Variants in TTC7B observed in about 807,000 individuals in gnomAD.
The protein encoded by TTC7B is tetratricopeptide repeat domain 7B.
In TTC7B, 28 loss-of-function variants were observed where a neutral mutation model predicts 106.8. The observed-to-expected ratio is 0.26, with a 90% CI of 0.19 to 0.36. The LOEUF is 0.36. Ranked by LOEUF, TTC7B falls within the 10% of genes least tolerant of loss-of-function variation. TTC7B has a pLI of 1.00. For missense variants in TTC7B, 862 were observed against 1,076.4 expected, an observed-to-expected ratio of 0.80 and a Z score of 2.79; for synonymous variants, 405 against 430.6, an observed-to-expected ratio of 0.94 and a Z score of 0.74.
intron 17 of TTC7B, among the ~76,000 whole-genome samples, chr14:90,605,362 G>A (rs572373761): frequency 4.6e-5 from 7 of 152,276 alleles, no homozygotes; most frequent in South Asian, 2.1e-4. Context: ...ACTTCTATCC[G>A]TTCTGCCCAG....
intron 3 of TTC7B, among the ~76,000 whole-genome samples, chr14:90,762,837 A>G (rs1890545085): frequency 6.6e-6 from 1 of 152,268 alleles, no homozygotes; most frequent in Non-Finnish European, 1.5e-5. Flanking sequence ...CATACAAAAG[A>G]ACAGGGAGAG....
Position 90,652,892 on chromosome 14 carries a change from A to G in TTC7B, c.1466T>C (p.Leu489Ser). ...TYSLQATDAS[L>S]RGMQEVLQRK... ...CTGTAGGACCTCCTGCATCCCTCGCAAAGAAGCTAAGAAAAGGGTTCAATT... is the reference window on the plus strand; with the variant it reads ...CTGTAGGACCTCCTGCATCCCTCGCGAAGAAGCTAAGAAAAGGGTTCAATT... The change falls in exon 13 of 20, where the codon TTG becomes TCG. Residue 489 changes from leucine to serine, a missense_variant. Coordinates refer to ENST00000328459, the MANE Select transcript of TTC7B (RefSeq NM_001010854.2). 6.2e-7 allele frequency: 1 copy of G among 1,614,244 alleles called. No individual in the cohort carries two copies. The highest frequency in any genetic ancestry group is 8.5e-7 in the Non-Finnish European group (1 of 1,180,040).
chr14:90,583,888 T>C (rs953721500), intron 18 of TTC7B, among the ~76,000 whole-genome samples: 6 of 152,242 alleles, frequency 3.9e-5, no homozygotes, highest in African/African-American at 1.4e-4. Flanking sequence ...TGCTTTTGCT[T>C]GGCATTTAAA....
At chr14:90,643,322 C>T (rs944529910) in intron 15 of TTC7B, among the ~76,000 whole-genome samples, 1 of 151,748 alleles carries the variant, frequency 6.6e-6, no homozygotes, top group Admixed American at 6.6e-5. Flanking sequence ...ACAGGAAAAT[C>T]GCTTGAACCC....
intron 1 of TTC7B, among the ~76,000 whole-genome samples, chr14:90,789,547 A>C (rs1444856648): frequency 1.3e-5 from 2 of 151,622 alleles, no homozygotes; most frequent in Non-Finnish European, 2.9e-5. Context: ...ACATCGCAAG[A>C]AAAAAAAAGT....
rs1175907374 is a variant in TTC7B, at chr14:90,532,829, G to A, written c.*8539C>T. 1.3e-5 allele frequency: 2 copies of A among 152,308 alleles called. No homozygotes were observed. Among genetic ancestry groups the A allele is most frequent in the Admixed American group, 1.3e-4 (2 of 15,288 alleles). The allele number at this position is 152,308 out of a possible 1,614,324, so 9.4% of individuals were successfully genotyped here. ...GGTTCAGGCTGGGCTGGGTGCTCAG[G>A]AAGCCTCCATGGGCTTGGGGAGGTC... On this transcript the variant is annotated 3_prime_UTR_variant, in exon 20 of 20. Transcript: ENST00000328459.
At chr14:90,787,014 C>T (rs573909752) in intron 1 of TTC7B, among the ~76,000 whole-genome samples, 6 of 152,218 alleles carry the variant, frequency 3.9e-5, no homozygotes, top group South Asian at 2.1e-4. Flanking sequence ...AAGAGTGGCG[C>T]GATGAAATCC....
intron 15 of TTC7B, among the ~76,000 whole-genome samples, chr14:90,619,050 T>TGC (rs1893203249): frequency 6.6e-6 from 1 of 152,168 alleles, no homozygotes; most frequent in African/African-American, 2.4e-5. Context: ...ATTACAGGCA[T>TGC]CCGCCACCAC....
chr14:90,728,488 T>C (rs1889199870), intron 5 of TTC7B, among the ~76,000 whole-genome samples: 1 of 152,078 alleles, frequency 6.6e-6, no homozygotes, highest in Admixed American at 6.5e-5. Flanking sequence ...CAACAGGCAT[T>C]TCCTTGAACT....
intron 19 of TTC7B, among the ~76,000 whole-genome samples, chr14:90,564,028 G>T (rs1890689995): frequency 6.6e-6 from 1 of 151,456 alleles, no homozygotes; most frequent in Non-Finnish European, 1.5e-5. Context: ...TGTTAATGTT[G>T]ATATTTAGAC....
intron 1 of TTC7B, among the ~76,000 whole-genome samples, chr14:90,812,615 G>A (rs763199703): frequency 2.6e-5 from 4 of 152,106 alleles, no homozygotes; most frequent in African/African-American, 9.7e-5. Flanking sequence ...AGGCTTCCGG[G>A]GGACTGTCTC....
At chr14:90,607,853 G>A (rs181368864) in intron 17 of TTC7B, among the ~76,000 whole-genome samples, 18 of 152,284 alleles carry the variant, frequency 1.2e-4, no homozygotes, top group Admixed American at 9.1e-4. Flanking sequence ...TATGTAAAGG[G>A]GCAGAGGAAA....
At chr14:90,705,720 C>T (rs565246977) in intron 5 of TTC7B, among the ~76,000 whole-genome samples, 55 of 152,290 alleles carry the variant, frequency 3.6e-4, no homozygotes, top group Admixed American at 3.6e-3. Flanking sequence ...GTAACAACTA[C>T]CCTGACTTTT....
chr14:90,801,725 A>G (rs1330973682), intron 1 of TTC7B, among the ~76,000 whole-genome samples: 1 of 152,108 alleles, frequency 6.6e-6, no homozygotes, highest in Non-Finnish European at 1.5e-5. Flanking sequence ...CAAGATTAGG[A>G]AGGGTTTCTG....
At chr14:90,729,837 T>G (rs965395229) in intron 5 of TTC7B, among the ~76,000 whole-genome samples, 3 of 152,152 alleles carry the variant, frequency 2.0e-5, no homozygotes, top group African/African-American at 7.2e-5. Context: ...GGCTGTGTAC[T>G]TTTGACTTGG....
intron 16 of TTC7B, among the ~76,000 whole-genome samples, chr14:90,616,966 A>ATCCCT (rs1445124243): frequency 6.6e-6 from 1 of 152,206 alleles, no homozygotes; most frequent in Non-Finnish European, 1.5e-5. Flanking sequence ...GAATCATTAC[A>ATCCCT]TCCCTTCTCA....
chr14:90,782,326 C>T (rs1172158475), intron 2 of TTC7B, among the ~76,000 whole-genome samples: 1 of 152,234 alleles, frequency 6.6e-6, no homozygotes, highest in South Asian at 2.1e-4. Flanking sequence ...AGGCCGAGTG[C>T]GGTGGCTCAC....
intron 7 of TTC7B, among the ~76,000 whole-genome samples, chr14:90,681,805 G>A (rs936564261): frequency 2.6e-5 from 4 of 152,198 alleles, no homozygotes; most frequent in African/African-American, 9.7e-5. Flanking sequence ...TTTCCCCTTA[G>A]ATTCTGGAAT....
intron 18 of TTC7B, among the ~76,000 whole-genome samples, chr14:90,584,812 G>A (rs968084463): frequency 2.0e-5 from 3 of 152,102 alleles, no homozygotes; most frequent in Admixed American, 1.3e-4. Context: ...GGAGGGCAGA[G>A]GGGTCCCACC....
Sources: gnomAD v4.1 joint callset for allele counts (sites outside exome capture counted in the v4.1 genomes callset) on GRCh38, gnomAD v4.1.1 for gene constraint, MANE v1.5 for transcripts, NCBI Gene and HGNC (gene_info 2026-07-23, HGNC 2026-07-21) for gene names.